RBFOX1: variants seen among roughly 807,000 people sequenced by gnomAD.
The protein encoded by RBFOX1 is RNA binding fox-1 homolog 1, also known as RNA binding protein fox-1 homolog 1.
A neutral mutation model predicts 57.7 loss-of-function variants in RBFOX1; 8 were observed. The ratio of observed to expected loss-of-function variants is 0.14; its 90% confidence interval spans 0.08 to 0.25. RBFOX1 has a LOEUF of 0.25. Ranked by LOEUF, RBFOX1 falls within the 10% of genes least tolerant of loss-of-function variation. The pLI is 1.00. For missense variants in RBFOX1, 611 were observed against 548.5 expected (o/e 1.11, Z -1.14); for synonymous variants, 326 against 222.4 (o/e 1.47, Z -4.15).
chr16:7,034,827 C>CTTTTTTTTTTTCTTTTTTGTTTTT (rs2043824001), intron 3 of RBFOX1, among the ~76,000 whole-genome samples: 1 of 54,114 alleles, frequency 1.8e-5, no homozygotes, highest in Non-Finnish European at 3.1e-5. Context: ...TATTGCATTA[C>CTTTTTTTTTTTCTTTTTTGTTTTT]TTTTTTTTTT....
intron 1 of RBFOX1, among the ~76,000 whole-genome samples, chr16:5,401,492 G>A (rs979724991): frequency 2.0e-5 from 3 of 152,162 alleles, no homozygotes; most frequent in Non-Finnish European, 2.9e-5. Context: ...TCCTCCTGCC[G>A]TTAGTCCTCT....
chr16:6,674,453 C>T (rs1434106150), intron 3 of RBFOX1, among the ~76,000 whole-genome samples: 1 of 152,044 alleles, frequency 6.6e-6, no homozygotes, highest in African/African-American at 2.4e-5. Flanking sequence ...TCCTGAGTAG[C>T]TGGGATTATA....
chr16:6,367,459 A>T (rs1043337015), intron 2 of RBFOX1, among the ~76,000 whole-genome samples: 5 of 152,046 alleles, frequency 3.3e-5, no homozygotes, highest in African/African-American at 7.2e-5. Flanking sequence ...TTTACTAGAG[A>T]CAGGGTTTCA....
chr16:5,867,475 T>A, intron 4 of RBFOX1: 1 of 561,800 alleles, frequency 1.8e-6, no homozygotes. Context: ...TTCAGTTGAG[T>A]GGTTTCTGTG....
chr16:7,161,764 A>T (rs1328037036), intron 4 of RBFOX1, among the ~76,000 whole-genome samples: 1 of 152,218 alleles, frequency 6.6e-6, no homozygotes, highest in Non-Finnish European at 1.5e-5. Flanking sequence ...GCAAGAATAC[A>T]AACCAACATT....
chr16:6,771,521 T>A (rs183775841), intron 3 of RBFOX1, among the ~76,000 whole-genome samples: 255 of 152,218 alleles, frequency 1.7e-3, no homozygotes, highest in Non-Finnish European at 2.6e-3. Flanking sequence ...CCTAGCAAGC[T>A]GAAGCCAACA....
At chr16:5,408,843 C>G (rs1358392399) in intron 1 of RBFOX1, among the ~76,000 whole-genome samples, 7 of 152,148 alleles carry the variant, frequency 4.6e-5, no homozygotes, top group Admixed American at 6.5e-5. Flanking sequence ...TTTAAACAGT[C>G]AGAGTTGGTG....
At chr16:7,584,435 G>A (rs1349560207) in intron 6 of RBFOX1, among the ~76,000 whole-genome samples, 1 of 152,118 alleles carries the variant, frequency 6.6e-6, no homozygotes, top group Non-Finnish European at 1.5e-5. Flanking sequence ...TGGGATTACA[G>A]GCTCCTACCA....
intron 3 of RBFOX1, among the ~76,000 whole-genome samples, chr16:7,045,138 T>G (rs148569888): frequency 1.7e-3 from 256 of 152,194 alleles, no homozygotes; most frequent in Non-Finnish European, 2.8e-3. Context: ...ACCTAACTCA[T>G]GAGATGTGTA....
intron 2 of RBFOX1, among the ~76,000 whole-genome samples, chr16:6,404,568 G>C (rs2093204919): frequency 6.6e-6 from 1 of 152,206 alleles, no homozygotes; most frequent in Non-Finnish European, 1.5e-5. Context: ...TGAGTTATTA[G>C]TTTTTGATCC....
chr16:6,613,677 T>C (rs1042273421), intron 2 of RBFOX1, among the ~76,000 whole-genome samples: 7 of 152,212 alleles, frequency 4.6e-5, no homozygotes, highest in Non-Finnish European at 7.3e-5. Flanking sequence ...TGTTATCTCA[T>C]TTTTTAAAAA....
chr16:7,419,925 C>CTTTTTTTTTTTTTTT (rs367626244), intron 4 of RBFOX1, among the ~76,000 whole-genome samples: 14 of 101,730 alleles, frequency 1.4e-4, no homozygotes, highest in South Asian at 3.3e-4. Flanking sequence ...TTCTTTCTTC[C>CTTTTTTTTTTTTTTT]TTTTTTTTTT....
At position 6,901,560 on chromosome 16, in the gene RBFOX1, G is replaced by T. The variant is rs539832289; in HGVS notation, c.-15-150497G>T. Among the ~76,000 whole-genome samples, 361 of 152,288 alleles carry T rather than the reference G, an allele frequency of 2.4e-3. 2 individuals carry two copies. Among genetic ancestry groups the T allele is most frequent in the Non-Finnish European group, 4.2e-3 (287 of 68,016 alleles). On this transcript the variant is annotated intron_variant, in intron 3 of 15. Coordinates refer to ENST00000550418, the MANE Select transcript of RBFOX1 (RefSeq NM_018723.4). ...TCCAGAGAAGATTTTTGTTTATGTA[G>T]TGGAATGTTCAACTCCTCAATTATG... is the stretch of plus-strand genomic sequence containing the variant.
At chr16:6,907,922 T>A (rs9941224) in intron 3 of RBFOX1, among the ~76,000 whole-genome samples, 1 of 151,162 alleles carries the variant, frequency 6.6e-6, no homozygotes, top group East Asian at 1.9e-4. Context: ...CTTGTAGATA[T>A]GTCACCTGAA....
At chr16:5,698,565 A>G (rs1014572807) in intron 3 of RBFOX1, among the ~76,000 whole-genome samples, 3 of 152,086 alleles carry the variant, frequency 2.0e-5, no homozygotes, top group African/African-American at 7.2e-5. Context: ...CTAAACAAAA[A>G]TACTGTATGA....
chr16:6,175,109 T>G (rs1249263089), intron 1 of RBFOX1, among the ~76,000 whole-genome samples: 1 of 152,204 alleles, frequency 6.6e-6, no homozygotes, highest in Non-Finnish European at 1.5e-5. Flanking sequence ...TAGAACTATA[T>G]CTCATATACA....
chr16:6,422,668 A>G (rs573850512), intron 2 of RBFOX1, among the ~76,000 whole-genome samples: 5 of 152,148 alleles, frequency 3.3e-5, no homozygotes, highest in Non-Finnish European at 7.3e-5. Flanking sequence ...AAAGAGAACA[A>G]GAGGGGCGGC....
intron 4 of RBFOX1, among the ~76,000 whole-genome samples, chr16:7,342,139 T>G (rs1165982231): frequency 6.6e-6 from 1 of 152,172 alleles, no homozygotes; most frequent in Middle Eastern, 3.2e-3. Flanking sequence ...CAAGGAAACC[T>G]GAGTCTGGCC....
chr16:6,538,984 G>A (rs1381716603), intron 2 of RBFOX1, among the ~76,000 whole-genome samples: 1 of 152,136 alleles, frequency 6.6e-6, no homozygotes, highest in Non-Finnish European at 1.5e-5. Flanking sequence ...TTACCTCCAG[G>A]TACTGTGTCA....
Sources: gnomAD v4.1 joint callset for allele counts (sites outside exome capture counted in the v4.1 genomes callset) on GRCh38, gnomAD v4.1.1 for gene constraint, MANE v1.5 for transcripts, NCBI Gene and HGNC (gene_info 2026-07-23, HGNC 2026-07-21) for gene names.